DLGAP2: variants seen among roughly 807,000 people sequenced by gnomAD.
DLGAP2 encodes the protein disks large-associated protein 2.
DLGAP2 carries 26 observed loss-of-function variants against 100.3 expected under a neutral mutation model. The ratio of observed to expected loss-of-function variants is 0.26; its 90% CI spans 0.19 to 0.36. DLGAP2 has a LOEUF of 0.36. Ranked by LOEUF, DLGAP2 falls within the 10% of genes least tolerant of loss-of-function variation. The pLI is 1.00. For synonymous variants in DLGAP2, 886 were observed against 630.1 expected, an observed-to-expected ratio of 1.41 and a Z score of -6.08; for missense variants, 1,858 against 1,453.2, an observed-to-expected ratio of 1.28 and a Z score of -4.53.
chr8:1,517,493 C>T (rs1045243821), intron 4 of DLGAP2, among the ~76,000 whole-genome samples: 1 of 152,140 alleles, frequency 6.6e-6, no homozygotes, highest in Non-Finnish European at 1.5e-5. Context: ...GGCCTCGTTT[C>T]CTCCACCGAG....
At chr8:1,294,847 C>T (rs755382377) in intron 3 of DLGAP2, among the ~76,000 whole-genome samples, 1 of 146,502 alleles carries the variant, frequency 6.8e-6, no homozygotes, top group Non-Finnish European at 1.5e-5. Context: ...CCAGCCTGGG[C>T]GACAGAGCAA....
intron 6 of DLGAP2, among the ~76,000 whole-genome samples, chr8:1,568,594 G>A (rs1377981555): frequency 7.9e-5 from 10 of 125,986 alleles, no homozygotes; most frequent in Admixed American, 2.5e-4. Flanking sequence ...GTCTCTGCCC[G>A]TGGCCCCCAT....
intron 2 of DLGAP2, among the ~76,000 whole-genome samples, chr8:1,041,552 AACCCCTTGCCGTGGGTGAGTGTTCTCCG>A (rs1802348004): frequency 1.3e-5 from 2 of 150,054 alleles, no homozygotes; most frequent in African/African-American, 4.9e-5. Flanking sequence ...GTGTTCTCCG[AACCCCTTGCCGTGGGTGAGTGTTCTCCG>A]AACCCCTTGC....
chr8:886,737 CTG>C, intron 1 of DLGAP2, among the ~76,000 whole-genome samples: 1 of 152,026 alleles, frequency 6.6e-6, no homozygotes, highest in Non-Finnish European at 1.5e-5. Flanking sequence ...TCTGGAGAGA[CTG>C]TTATGATTTC....
intron 2 of DLGAP2, among the ~76,000 whole-genome samples, chr8:1,199,923 C>T (rs755583232): frequency 3.4e-5 from 5 of 148,004 alleles, no homozygotes; most frequent in Non-Finnish European, 5.9e-5. Context: ...ATGACAGCCA[C>T]GAGGTGGAAG....
chr8:976,295 A>T (rs923128177), intron 2 of DLGAP2, among the ~76,000 whole-genome samples: 2 of 152,172 alleles, frequency 1.3e-5, no homozygotes, highest in African/African-American at 2.4e-5. Flanking sequence ...GGCCAATAGA[A>T]CACAATGGAA....
intron 8 of DLGAP2, among the ~76,000 whole-genome samples, chr8:1,635,878 T>G (rs1010533299): frequency 6.6e-6 from 1 of 152,222 alleles, no homozygotes; most frequent in African/African-American, 2.4e-5. Flanking sequence ...GACACCCCAG[T>G]TCACCTGCTT....
At chr8:1,444,862 C>T (rs906055831) in intron 3 of DLGAP2, among the ~76,000 whole-genome samples, 1 of 148,816 alleles carries the variant, frequency 6.7e-6, no homozygotes, top group Non-Finnish European at 1.5e-5. Flanking sequence ...TGACTGCAAC[C>T]ACCGTCTTCC....
intron 6 of DLGAP2, among the ~76,000 whole-genome samples, chr8:1,616,918 A>G (rs1410129055): frequency 1.3e-5 from 2 of 152,062 alleles, no homozygotes; most frequent in Non-Finnish European, 2.9e-5. Flanking sequence ...CAGTATGTGT[A>G]GTTTTCCTCT....
At chr8:952,436 A>G (rs1273452117) in intron 2 of DLGAP2, among the ~76,000 whole-genome samples, 1 of 152,210 alleles carries the variant, frequency 6.6e-6, no homozygotes, top group African/African-American at 2.4e-5. Context: ...CAGGAGTTCA[A>G]GACCAGCCTG....
chr8:1,503,783 T>G, intron 4 of DLGAP2, among the ~76,000 whole-genome samples: 1 of 152,052 alleles, frequency 6.6e-6, no homozygotes, highest in Non-Finnish European at 1.5e-5. Flanking sequence ...AAGGGTCAGA[T>G]GTTAGAAGCT....
At chr8:1,043,603 G>A (rs902216666) in intron 2 of DLGAP2, among the ~76,000 whole-genome samples, 2 of 152,042 alleles carry the variant, frequency 1.3e-5, no homozygotes, top group Non-Finnish European at 2.9e-5. Context: ...ACGAAAACTA[G>A]GAGGACTGCA....
intron 3 of DLGAP2, chr8:1,368,997 C>T (rs1037203793): frequency 2.0e-5 from 3 of 152,182 alleles, no homozygotes; most frequent in Admixed American, 6.6e-5. Context: ...ACTCTGTGCA[C>T]GTGACGCCCG....
chr8:994,158 G>A (rs1285781192), intron 2 of DLGAP2, among the ~76,000 whole-genome samples: 2 of 152,110 alleles, frequency 1.3e-5, no homozygotes, highest in Non-Finnish European at 2.9e-5. Flanking sequence ...GTTTTGCGAA[G>A]TAGATAGAAA....
rs565209192 is a variant in DLGAP2, at chr8:1,245,625, T to G, written c.74-13226T>G. On this transcript the variant is annotated intron_variant, in intron 2 of 14. Transcript: ENST00000637795. ...ACTGCCGAAGGGCATGGATTTATTT[T>G]TGGAGTGACGAAATGTTATGTGATT... Among the ~76,000 whole-genome samples, 10 of 152,304 alleles carry G rather than the reference T, an allele frequency of 6.6e-5. No homozygotes were observed. In the South Asian group the frequency reaches 2.1e-3, roughly 32 times the overall value.
intron 3 of DLGAP2, among the ~76,000 whole-genome samples, chr8:1,336,029 C>T (rs1025203335): frequency 1.3e-5 from 2 of 152,208 alleles, no homozygotes; most frequent in East Asian, 3.9e-4. Context: ...TATAAAGAAA[C>T]TCTGAGCGGT....
chr8:1,531,116 CTTTG>C (rs1404697295), intron 4 of DLGAP2, among the ~76,000 whole-genome samples: 1 of 152,030 alleles, frequency 6.6e-6, no homozygotes, highest in East Asian at 1.9e-4. Flanking sequence ...AGTGCTGAAA[CTTTG>C]TTTCTTTTTT....
intron 2 of DLGAP2, among the ~76,000 whole-genome samples, chr8:1,195,739 A>C (rs1381804545): frequency 2.6e-5 from 4 of 152,212 alleles, no homozygotes; most frequent in Non-Finnish European, 5.9e-5. Flanking sequence ...AATTTTAGTT[A>C]CACAGATAAT....
chr8:889,763 GC>G (rs1163949567), intron 1 of DLGAP2, among the ~76,000 whole-genome samples: 2 of 152,226 alleles, frequency 1.3e-5, no homozygotes, highest in Non-Finnish European at 2.9e-5. Context: ...AGCTTAGACA[GC>G]AGGCCGCTGC....
Sources: allele counts gnomAD v4.1 joint callset (sites outside exome capture counted in the v4.1 genomes callset), GRCh38; gene constraint gnomAD v4.1.1; transcripts MANE v1.5; gene names NCBI Gene and HGNC (gene_info 2026-07-23, HGNC 2026-07-21).